The following GRIP2 variants were observed in gnomAD, a reference collection of about 807,000 sequenced individuals.
GRIP2 encodes the protein glutamate receptor interacting protein 2.
In GRIP2, 58 loss-of-function variants were observed where a neutral mutation model predicts 108.3. The observed-to-expected ratio is 0.54, with a 90% CI of 0.43 to 0.67. The LOEUF (loss-of-function observed/expected upper bound fraction) is 0.67, where lower values mean the gene tolerates loss of function less well. Among genes scored for constraint, GRIP2 ranks in the 30% least tolerant of loss-of-function variants. GRIP2 has a pLI of 0.00. For synonymous variants in GRIP2, 586 were observed against 598.2 expected (o/e 0.98, Z 0.30); for missense variants, 1,278 against 1,430.6 (o/e 0.89, Z 1.72).
At chr3:14,549,889 T>C (rs1695116923) in intron 1 of GRIP2, among the ~76,000 whole-genome samples, 1 of 152,176 alleles carries the variant, frequency 6.6e-6, no homozygotes, top group South Asian at 2.1e-4. Flanking sequence ...GATCACCAGA[T>C]TCTGTGTCCT....
chr3:14,592,348 A>C, the GRIP2 span, among the ~76,000 whole-genome samples: 1 of 152,202 alleles, frequency 6.6e-6, no homozygotes, highest in Non-Finnish European at 1.5e-5. Context: ...ATCCAAGTTT[A>C]AAGAGCCCCG....
the GRIP2 span, among the ~76,000 whole-genome samples, chr3:14,563,499 G>A: frequency 6.6e-6 from 1 of 152,106 alleles, no homozygotes; most frequent in Non-Finnish European, 1.5e-5. Context: ...GAGGGAGGAG[G>A]AGCAGCGTGG....
upstream of GRIP2, chr3:14,542,201 G>C (rs1471865694): frequency 7.2e-6 from 4 of 553,588 alleles, no homozygotes; most frequent in Non-Finnish European, 1.1e-5. Context: ...TGTCACCTGG[G>C]CTGGAGTGCA....
intron 1 of GRIP2, among the ~76,000 whole-genome samples, chr3:14,532,154 A>G (rs1694724156): frequency 1.3e-5 from 2 of 152,222 alleles, no homozygotes. Flanking sequence ...ACCCATGGAA[A>G]GTGAGACCTG....
the GRIP2 span, among the ~76,000 whole-genome samples, chr3:14,569,715 C>T: frequency 2.0e-5 from 3 of 152,140 alleles, no homozygotes; most frequent in Non-Finnish European, 2.9e-5. Context: ...TGGTGCAGCT[C>T]CTTCCAGCCT....
At chr3:14,517,343 A>G (rs2124907321) in intron 10 of GRIP2, 130 bp from the exon 11 acceptor site, 1 of 930,450 alleles carries the variant, frequency 1.1e-6, no homozygotes, top group South Asian at 2.0e-5. Context: ...TCAGTTACTC[A>G]TTGTGTGACC....
intron 1 of GRIP2, among the ~76,000 whole-genome samples, chr3:14,528,822 T>C (rs994473570): frequency 6.6e-6 from 1 of 152,226 alleles, no homozygotes; most frequent in Non-Finnish European, 1.5e-5. Context: ...ATATCTTCTT[T>C]GGGGAAGTGC....
the GRIP2 span, among the ~76,000 whole-genome samples, chr3:14,570,325 T>C: frequency 6.6e-6 from 1 of 152,212 alleles, no homozygotes; most frequent in South Asian, 2.1e-4. Context: ...CCACCTGGGA[T>C]GGCGTCATGA....
intron 21 of GRIP2, among the ~76,000 whole-genome samples, chr3:14,499,002 T>G (rs971865404): frequency 4.6e-5 from 7 of 151,988 alleles, no homozygotes; most frequent in African/African-American, 1.7e-4. Context: ...AGAAAGCGAG[T>G]GCCATCTCAT....
the GRIP2 span, among the ~76,000 whole-genome samples, chr3:14,597,913 G>T: frequency 6.6e-6 from 1 of 152,166 alleles, no homozygotes; most frequent in Non-Finnish European, 1.5e-5. Context: ...ATCAGCTCCG[G>T]TGTTGACACT....
At position 14,514,435 on chromosome 3, in the gene GRIP2, C is replaced by G; in HGVS notation, c.1350G>C (p.Val450=). 6.3e-7 allele frequency: 1 copy of G among 1,578,052 alleles called. No homozygotes were observed. The highest frequency in any genetic ancestry group is 8.6e-7 in the Non-Finnish European group (1 of 1,163,546). The change falls in exon 12 of 24, where the codon GTG becomes GTC. Residue 450 remains valine, a synonymous_variant. Coordinates refer to ENST00000621039, the MANE Select transcript of GRIP2 (RefSeq NM_001080423.4). ...SSTVGPGGQI[V]HTETTEVVLC... Reference sequence around the variant, plus strand: ...GCACGACCTCCGTGGTCTCCGTGTGCACAATCTGCCCGCCCGGCCCCACCG... The same window carrying G: ...GCACGACCTCCGTGGTCTCCGTGTGGACAATCTGCCCGCCCGGCCCCACCG...
Position 14,511,516 on chromosome 3 carries a change from C to T in GRIP2, c.1721-37G>A, listed in dbSNP as rs756146041. On this transcript the variant is annotated intron_variant, in intron 14 of 23. Transcript: ENST00000621039. This position sits in a 1 kb window ranked among gnomAD's most constrained non-coding sequence, Gnocchi z 4.1. Reference sequence around the variant, plus strand: ...GAGGCCATGAATCTGACCTTGGTGGCCTCAGCCTGGGGTGGGGTGGCGAAG... The same window carrying T: ...GAGGCCATGAATCTGACCTTGGTGGTCTCAGCCTGGGGTGGGGTGGCGAAG... 1.2e-6 allele frequency: 2 copies of T among 1,607,950 alleles called. No homozygotes were observed. Among genetic ancestry groups the T allele is most frequent in the Non-Finnish European group, 1.7e-6 (2 of 1,177,012 alleles).
chr3:14,529,734 T>C (rs751277448), intron 1 of GRIP2, among the ~76,000 whole-genome samples: 2 of 152,220 alleles, frequency 1.3e-5, no homozygotes, highest in Admixed American at 6.5e-5. Flanking sequence ...CTCAAACTCT[T>C]GGGAGGTATT....
intron 11 of GRIP2, among the ~76,000 whole-genome samples, chr3:14,516,649 G>C (rs17039724): frequency 0.079 from 12,040 of 152,208 alleles, 594 homozygotes; most frequent in African/African-American, 0.12. Flanking sequence ...CTTTGTCTTA[G>C]GGGAAATTAA....
chr3:14,535,094 G>A (rs1694803755), intron 1 of GRIP2, among the ~76,000 whole-genome samples: 2 of 152,008 alleles, frequency 1.3e-5, no homozygotes, highest in South Asian at 4.2e-4. Flanking sequence ...CAGGGACGGT[G>A]AGCTGTCGGC....
At chr3:14,554,857 T>TG (rs1263845640) in intron 1 of GRIP2, among the ~76,000 whole-genome samples, 1 of 152,200 alleles carries the variant, frequency 6.6e-6, no homozygotes, top group East Asian at 1.9e-4. Context: ...GCAGGGCCAC[T>TG]GTGAGGAATG....
intron 1 of GRIP2, among the ~76,000 whole-genome samples, chr3:14,536,356 A>T (rs1559350633): frequency 6.6e-6 from 1 of 152,202 alleles, no homozygotes; most frequent in Non-Finnish European, 1.5e-5. Context: ...AGGCACCTGG[A>T]ACCCAGGGCT....
the GRIP2 span, among the ~76,000 whole-genome samples, chr3:14,579,514 G>A: frequency 1.3e-5 from 2 of 152,234 alleles, no homozygotes; most frequent in Non-Finnish European, 2.9e-5. Context: ...TTTGTCAGGC[G>A]GGAAAGCCCT....
At chr3:14,581,170 T>A in the GRIP2 span, among the ~76,000 whole-genome samples, 1 of 152,176 alleles carries the variant, frequency 6.6e-6, no homozygotes, top group Admixed American at 6.5e-5. Context: ...ATCTATTGGT[T>A]CTCTTTCTGT....
Sources: gnomAD v4.1 joint callset for allele counts (sites outside exome capture counted in the v4.1 genomes callset) on GRCh38, gnomAD v4.1.1 for gene constraint, Gnocchi (gnomAD v3.1) non-coding constraint, MANE v1.5 for transcripts, NCBI Gene and HGNC (gene_info 2026-07-23, HGNC 2026-07-21) for gene names.